SP6: variants seen among roughly 807,000 people sequenced by gnomAD.
SP6 encodes the protein transcription factor Sp6.
In SP6, 10 loss-of-function variants were observed where a neutral mutation model predicts 23.4. That is an observed-to-expected ratio of 0.43 (90% CI 0.26 to 0.72). The LOEUF is 0.72. Ranked by LOEUF, SP6 falls within the 30% of genes least tolerant of loss-of-function variation. SP6 has a pLI of 0.23. For missense variants in SP6, 482 were observed against 523.8 expected (o/e 0.92, Z 0.78); for synonymous variants, 238 against 238.7 (o/e 1.00, Z 0.03).
In SP6 at chr17:47,848,219, C is replaced by G. The variant is rs1360092012; in HGVS notation, c.211G>C (p.Gly71Arg). ...VDFSQGYELP[G>R]ASSRVTCEDL... The stretch of plus-strand genomic sequence containing the variant: ...TCGCAGGTTACCCGCGAGGAGGCCC[C>G]TGGCAGCTCATAGCCCTGCGAGAAG... The change falls in exon 2 of 2, where the codon GGG becomes CGG. Residue 71 changes from glycine (G) to arginine (R), a missense_variant. Around this residue, in one of 3 missense-constraint regions of SP6, gnomAD observed 330 missense variants for 332.3 expected, o/e 0.99. Coordinates refer to ENST00000536300, the MANE Select transcript of SP6 (RefSeq NM_001258248.2). This position sits in a 1 kb window ranked among gnomAD's most constrained non-coding sequence, Gnocchi z 5.3. The G allele has an allele frequency of 1.2e-6, 2 of 1,612,722 alleles. No individual in the cohort carries two copies. The highest frequency in any genetic ancestry group is 1.7e-6 in the Non-Finnish European group (2 of 1,179,796).
rs1598057626 is a variant in SP6, at chr17:47,847,057, G to A, written c.*242C>T. 1 of 529,554 alleles carries A rather than the reference G, an allele frequency of 1.9e-6. No homozygotes were observed. The allele number at this position is 529,554 out of a possible 1,614,324, so 32.8% of individuals were successfully genotyped here. A position where few individuals can be genotyped will look rare whatever the true frequency, so the allele number is the denominator to read the frequency against. ...AGCCCAGGGGCGAGGGAAACTGTGAGGCAGGGGAGAACAGAGGGGCATTGC... is the reference window on the plus strand; with the variant it reads ...AGCCCAGGGGCGAGGGAAACTGTGAAGCAGGGGAGAACAGAGGGGCATTGC... On this transcript the variant is annotated 3_prime_UTR_variant, in exon 2 of 2. Transcript: ENST00000536300.
At position 47,847,994 on chromosome 17, in the gene SP6, C is replaced by T; in HGVS notation, c.436G>A (p.Gly146Arg). Residue 146 changes from glycine (G) to arginine (R), a missense_variant, in exon 2 of 2, where the codon GGG (glycine) becomes AGG (arginine). Around this residue, in one of 3 missense-constraint regions of SP6, gnomAD observed 330 missense variants for 332.3 expected, o/e 0.99. Coordinates refer to ENST00000536300, the MANE Select transcript of SP6 (RefSeq NM_001258248.2). Reference sequence around the variant, plus strand: ...CCCCCCAAGCCCGCCTGAAGCGCCCCCGGGTGGCCAGGTGAGGTCAGCGCG... The same window carrying T: ...CCCCCCAAGCCCGCCTGAAGCGCCCTCGGGTGGCCAGGTGAGGTCAGCGCG... ...QGALTSPGHP[G>R]ALQAGLGGYV... 1 of 1,599,112 alleles carries T rather than the reference C, an allele frequency of 6.3e-7. No homozygotes were observed. The highest frequency in any genetic ancestry group is 2.3e-5 in the East Asian group (1 of 44,124).
At chr17:47,859,666 A>G (rs2875737), upstream of SP6, among the ~76,000 whole-genome samples, 51,565 of 151,958 alleles carry the variant, frequency 0.34, 9,534 homozygotes, top group Non-Finnish European at 0.41. Flanking sequence ...TGGGTCGGGG[A>G]ACTTAAAACC....
Position 47,848,206 on chromosome 17 carries a change from C to G in SP6, c.224G>C (p.Arg75Pro). Reference protein sequence around the residue: ...QGYELPGASSRVTCEDLESDS... With the variant: ...QGYELPGASSPVTCEDLESDS... ...GCTTTCCAGGTCCTCGCAGGTTACC[C>G]GCGAGGAGGCCCCTGGCAGCTCATA... The change falls in exon 2 of 2, where the codon CGG (arginine) becomes CCG (proline). Residue 75 changes from arginine to proline, a missense_variant. Arg to Pro is a moderately radical substitution (Grantham distance 103). This residue lies in a region of SP6 where 330 missense variants were observed against 332.3 expected (regional missense o/e 0.99). Transcript: ENST00000536300. This position sits in a 1 kb window ranked among gnomAD's most constrained non-coding sequence, Gnocchi z 5.3. 6.2e-7 allele frequency: 1 copy of G among 1,612,852 alleles called. No individual in the cohort carries two copies. The highest frequency in any genetic ancestry group is 8.5e-7 in the Non-Finnish European group (1 of 1,179,878).
chr17:47,852,100 G>A (rs1337666454), upstream of SP6, among the ~76,000 whole-genome samples: 4 of 152,278 alleles, frequency 2.6e-5, no homozygotes, highest in East Asian at 7.7e-4. Flanking sequence ...GACACTTCTG[G>A]AAGGAATTGA....
At chr17:47,872,312 G>A in the SP6 span, among the ~76,000 whole-genome samples, 5 of 152,316 alleles carry the variant, frequency 3.3e-5, no homozygotes, top group South Asian at 8.3e-4. Context: ...CTCTCTCCCC[G>A]AGACAAACCC....
chr17:47,872,748 G>T, the SP6 span, among the ~76,000 whole-genome samples: 1 of 152,212 alleles, frequency 6.6e-6, no homozygotes, highest in Admixed American at 6.5e-5. Context: ...GCAAGGGCAG[G>T]GCCCCGAGGG....
chr17:47,871,603 C>T, the SP6 span, among the ~76,000 whole-genome samples: 1 of 151,716 alleles, frequency 6.6e-6, no homozygotes, highest in Non-Finnish European at 1.5e-5. Flanking sequence ...CCCATCTGGT[C>T]TCTGTTTCTG....
the SP6 span, among the ~76,000 whole-genome samples, chr17:47,873,174 C>T: frequency 6.6e-6 from 1 of 152,154 alleles, no homozygotes; most frequent in African/African-American, 2.4e-5. Context: ...ATCGTCAAAT[C>T]AAGCATATTT....
chr17:47,869,001 G>A, the SP6 span, among the ~76,000 whole-genome samples: 1 of 152,246 alleles, frequency 6.6e-6, no homozygotes, highest in Non-Finnish European at 1.5e-5. Context: ...CGGGCTGTCT[G>A]AGTGCTGCCC....
At chr17:47,853,497 T>A (rs1156399122), upstream of SP6, among the ~76,000 whole-genome samples, 13 of 152,232 alleles carry the variant, frequency 8.5e-5, no homozygotes, top group Admixed American at 3.9e-4. Flanking sequence ...TGGTGCTGCA[T>A]CTACTGTTCC....
At chr17:47,853,673 T>C (rs762854989), upstream of SP6, among the ~76,000 whole-genome samples, 1 of 152,134 alleles carries the variant, frequency 6.6e-6, no homozygotes, top group Non-Finnish European at 1.5e-5. Flanking sequence ...CTACTTTCAC[T>C]CTAGGCCCCC....
upstream of SP6, among the ~76,000 whole-genome samples, chr17:47,857,233 C>T (rs2143664030): frequency 6.6e-6 from 1 of 152,200 alleles, no homozygotes; most frequent in East Asian, 1.9e-4. Context: ...CCTGTCCCTC[C>T]CCACCTTCCA....
chr17:47,864,153 C>T, the SP6 span, among the ~76,000 whole-genome samples: 1 of 151,614 alleles, frequency 6.6e-6, no homozygotes, highest in Non-Finnish European at 1.5e-5. Flanking sequence ...CTACACTGGA[C>T]TTCTTAATGA....
upstream of SP6, among the ~76,000 whole-genome samples, chr17:47,856,208 T>A (rs908609954): frequency 6.6e-6 from 1 of 152,220 alleles, no homozygotes; most frequent in African/African-American, 2.4e-5. Flanking sequence ...TGTTGGCCTC[T>A]CTGAGCCACA....
At chr17:47,870,078 A>T in the SP6 span, among the ~76,000 whole-genome samples, 1 of 152,252 alleles carries the variant, frequency 6.6e-6, no homozygotes, top group African/African-American at 2.4e-5. Context: ...TAGGGGGAAG[A>T]AAGACAGGAG....
upstream of SP6, among the ~76,000 whole-genome samples, chr17:47,853,230 T>C (rs1461056333): frequency 6.6e-6 from 1 of 152,238 alleles, no homozygotes; most frequent in East Asian, 1.9e-4. Context: ...TACTTGGGGC[T>C]CTGGATGTGG....
At chr17:47,859,572 G>T (rs112667324), upstream of SP6, among the ~76,000 whole-genome samples, 157 of 152,338 alleles carry the variant, frequency 1.0e-3, no homozygotes, top group Middle Eastern at 3.4e-3. Flanking sequence ...AGCCACAGCT[G>T]AGTGAATTAG....
chr17:47,867,770 G>A, the SP6 span, among the ~76,000 whole-genome samples: 1 of 152,178 alleles, frequency 6.6e-6, no homozygotes, highest in African/African-American at 2.4e-5. Flanking sequence ...AAGAAAATGG[G>A]CTCTTACTGT....
Sources: allele counts gnomAD v4.1 joint callset (sites outside exome capture counted in the v4.1 genomes callset), GRCh38; gene constraint gnomAD v4.1.1; regional missense constraint gnomAD v4.1.1; non-coding constraint Gnocchi (gnomAD v3.1); transcripts MANE v1.5; gene names NCBI Gene and HGNC (gene_info 2026-07-23, HGNC 2026-07-21).